PCDH9: variants seen among roughly 807,000 people sequenced by gnomAD.
The protein encoded by PCDH9 is protocadherin-9.
PCDH9 carries 24 observed loss-of-function variants against 70.6 expected under a neutral mutation model. The observed-to-expected ratio is 0.34, with a 90% CI of 0.25 to 0.48. The LOEUF is 0.48. Among genes scored for constraint, PCDH9 ranks in the 20% least tolerant of loss-of-function variants. PCDH9 has a pLI of 0.99. For missense variants in PCDH9, 1,281 were observed against 1,503.6 expected, an observed-to-expected ratio of 0.85 and a Z score of 2.45; for synonymous variants, 562 against 558.5, an observed-to-expected ratio of 1.01 and a Z score of -0.09.
chr13:66,454,430 C>G (rs1958276822), intron 4 of PCDH9, among the ~76,000 whole-genome samples: 1 of 152,036 alleles, frequency 6.6e-6, no homozygotes, highest in Admixed American at 6.6e-5. Context: ...CTCCATCTAC[C>G]CAAAACAGAA....
chr13:66,692,860 A>T (rs112693282), intron 3 of PCDH9, among the ~76,000 whole-genome samples: 42 of 152,224 alleles, frequency 2.8e-4, no homozygotes, highest in African/African-American at 8.4e-4. Context: ...ATAACATGAC[A>T]CTGTACACTC....
intron 2 of PCDH9, among the ~76,000 whole-genome samples, chr13:66,975,374 A>G (rs2083597352): frequency 6.6e-6 from 1 of 152,056 alleles, no homozygotes; most frequent in Non-Finnish European, 1.5e-5. Flanking sequence ...TGGTTTCAAC[A>G]TTTGCTCTGT....
At chr13:66,456,386 T>C (rs998728057) in intron 4 of PCDH9, among the ~76,000 whole-genome samples, 4 of 152,082 alleles carry the variant, frequency 2.6e-5, no homozygotes, top group African/African-American at 9.7e-5. Flanking sequence ...CTCAATCTCC[T>C]GAGCGGCTAG....
chr13:66,938,456 G>T (rs1221238782), intron 2 of PCDH9, among the ~76,000 whole-genome samples: 2 of 152,128 alleles, frequency 1.3e-5, no homozygotes, highest in East Asian at 3.9e-4. Flanking sequence ...AGTTCTTTGT[G>T]AATGGGGGAT....
intron 3 of PCDH9, among the ~76,000 whole-genome samples, chr13:66,736,551 T>C (rs534426983): frequency 3.3e-5 from 5 of 152,202 alleles, no homozygotes; most frequent in Middle Eastern, 3.2e-3. Flanking sequence ...TTAGATTTTG[T>C]TATTGTGACA....
chr13:66,770,435 G>A (rs902348579), intron 3 of PCDH9, among the ~76,000 whole-genome samples: 7 of 152,112 alleles, frequency 4.6e-5, no homozygotes, highest in Admixed American at 4.6e-4. Flanking sequence ...AGTCTTAGAT[G>A]AAGCCACCCT....
chr13:66,392,726 C>T (rs1339995119), intron 4 of PCDH9, among the ~76,000 whole-genome samples: 1 of 152,128 alleles, frequency 6.6e-6, no homozygotes, highest in East Asian at 1.9e-4. Flanking sequence ...GCCAGCACCA[C>T]TTTAGGTTAC....
intron 2 of PCDH9, among the ~76,000 whole-genome samples, chr13:67,078,401 C>A (rs1002357427): frequency 5.3e-5 from 8 of 152,114 alleles, no homozygotes; most frequent in Admixed American, 3.3e-4. Context: ...CAGCTCTTTC[C>A]CCTTTATTCT....
intron 2 of PCDH9, among the ~76,000 whole-genome samples, chr13:66,967,187 T>A (rs546179357): frequency 5.9e-5 from 9 of 152,104 alleles, no homozygotes; most frequent in African/African-American, 2.2e-4. Flanking sequence ...AATGGCAGAA[T>A]GTATCTAAAT....
At chr13:66,872,739 C>G (rs374154871) in intron 3 of PCDH9, among the ~76,000 whole-genome samples, 2 of 152,088 alleles carry the variant, frequency 1.3e-5, no homozygotes, top group Admixed American at 1.3e-4. Context: ...ATTCAACTTG[C>G]AAGTCTTTGA....
intron 2 of PCDH9, among the ~76,000 whole-genome samples, chr13:66,979,868 T>C (rs1045106899): frequency 1.3e-5 from 2 of 152,114 alleles, no homozygotes; most frequent in African/African-American, 4.8e-5. Context: ...TTTTTCTCTT[T>C]AGCTTTGCCC....
chr13:66,626,988 T>TGTGTGTG (rs1566465653), intron 4 of PCDH9, among the ~76,000 whole-genome samples: 4 of 143,616 alleles, frequency 2.8e-5, no homozygotes, highest in Non-Finnish European at 4.6e-5. Flanking sequence ...TGTGTGTGTG[T>TGTGTGTG]TTAGAAGCAA....
intron 2 of PCDH9, among the ~76,000 whole-genome samples, chr13:66,934,141 T>C (rs535034389): frequency 2.9e-4 from 44 of 152,118 alleles, no homozygotes; most frequent in Admixed American, 8.5e-4. Context: ...GAATCAGCAT[T>C]GACTCAGCAG....
At chr13:67,222,598 G>A (rs2089754839) in intron 2 of PCDH9, 1 of 152,038 alleles carries the variant, frequency 6.6e-6, no homozygotes, top group Non-Finnish European at 1.5e-5. Context: ...TTTTAACCAA[G>A]AATCTTGCAT....
intron 3 of PCDH9, among the ~76,000 whole-genome samples, chr13:66,716,392 A>G (rs561461393): frequency 1.3e-5 from 2 of 152,350 alleles, no homozygotes; most frequent in African/African-American, 4.8e-5. Context: ...TAAGAAGTGT[A>G]GAGGAGACCA....
intron 2 of PCDH9, among the ~76,000 whole-genome samples, chr13:67,060,140 A>T (rs1014485798): frequency 2.0e-5 from 3 of 151,874 alleles, no homozygotes; most frequent in African/African-American, 7.3e-5. Context: ...GGCAAATAAC[A>T]CATTGCTGGA....
chr13:67,142,242 A>G (rs893863280), intron 2 of PCDH9, among the ~76,000 whole-genome samples: 1 of 152,196 alleles, frequency 6.6e-6, no homozygotes, highest in African/African-American at 2.4e-5. Context: ...GTAAATTTAT[A>G]AATTTTAATA....
At chr13:66,354,840 T>G (rs112831618) in intron 4 of PCDH9, among the ~76,000 whole-genome samples, 426 of 152,270 alleles carry the variant, frequency 2.8e-3, no homozygotes, top group Non-Finnish European at 4.8e-3. Flanking sequence ...AACTTTTGCC[T>G]GGACAGACAA....
intron 3 of PCDH9, among the ~76,000 whole-genome samples, chr13:66,769,710 A>C (rs2079775120): frequency 6.6e-6 from 1 of 152,148 alleles, no homozygotes; most frequent in Admixed American, 6.6e-5. Context: ...TCATTGCAAC[A>C]AACACTGGCT....
Sources: gnomAD v4.1 joint callset for allele counts (sites outside exome capture counted in the v4.1 genomes callset) on GRCh38, gnomAD v4.1.1 for gene constraint, MANE v1.5 for transcripts, NCBI Gene and HGNC (gene_info 2026-07-23, HGNC 2026-07-21) for gene names.